The following SDK1 variants were observed in gnomAD, a reference collection of about 807,000 sequenced individuals.
The protein encoded by SDK1 is protein sidekick-1.
A neutral mutation model predicts 245.5 loss-of-function variants in SDK1; 157 were observed. That is an observed-to-expected ratio of 0.64 (90% CI 0.56 to 0.73). SDK1 has a LOEUF of 0.73. Among genes scored for constraint, SDK1 ranks in the 30% least tolerant of loss-of-function variants. The pLI, the probability that SDK1 is intolerant of heterozygous loss-of-function variation, is 0.00. For missense variants in SDK1, 3,583 were observed against 3,002.3 expected (o/e 1.19, Z -4.52); for synonymous variants, 1,647 against 1,278.5 (o/e 1.29, Z -6.15).
At chr7:3,834,250 G>T (rs578021579) in intron 5 of SDK1, among the ~76,000 whole-genome samples, 2 of 152,154 alleles carry the variant, frequency 1.3e-5, no homozygotes, top group Admixed American at 6.5e-5. Context: ...CTCAGAAAAC[G>T]CTGAGCGTCT....
chr7:4,151,241 C>T (rs374004851), intron 30 of SDK1, among the ~76,000 whole-genome samples: 2 of 152,166 alleles, frequency 1.3e-5, no homozygotes, highest in Non-Finnish European at 2.9e-5. Context: ...AGGAAGCCAG[C>T]GCCCCAGTGC....
At chr7:3,403,840 TATA>T (rs1778962729) in intron 1 of SDK1, among the ~76,000 whole-genome samples, 1 of 64,406 alleles carries the variant, frequency 1.6e-5, no homozygotes, top group South Asian at 5.8e-4. Context: ...TATATATATA[TATA>T]TATATATATA....
intron 5 of SDK1, among the ~76,000 whole-genome samples, chr7:3,903,880 C>G (rs1781876094): frequency 6.6e-6 from 1 of 152,048 alleles, no homozygotes; most frequent in Admixed American, 6.5e-5. Context: ...CCTGAGAGAG[C>G]TGGTTGTTAA....
At chr7:4,181,348 A>G (rs1584387993) in intron 35 of SDK1, among the ~76,000 whole-genome samples, 1 of 152,188 alleles carries the variant, frequency 6.6e-6, no homozygotes, top group South Asian at 2.1e-4. Flanking sequence ...TCCTCCAGGG[A>G]TGGACACTCG....
intron 1 of SDK1, among the ~76,000 whole-genome samples, chr7:3,342,510 C>T (rs1301535804): frequency 3.3e-5 from 5 of 152,034 alleles, no homozygotes; most frequent in African/African-American, 4.8e-5. Flanking sequence ...CTCGCTTGAA[C>T]CCAGGAGGTG....
intron 4 of SDK1, among the ~76,000 whole-genome samples, chr7:3,683,964 C>G (rs934540583): frequency 1.3e-5 from 2 of 152,292 alleles, no homozygotes; most frequent in East Asian, 1.9e-4. Flanking sequence ...AAAAGCACCC[C>G]CTTCATCACC....
intron 1 of SDK1, among the ~76,000 whole-genome samples, chr7:3,409,520 T>G (rs1445393223): frequency 6.6e-6 from 1 of 152,136 alleles, no homozygotes; most frequent in Non-Finnish European, 1.5e-5. Context: ...ATTACACCGT[T>G]TTTCCGCAAA....
chr7:3,641,250 C>G (rs116676391), intron 3 of SDK1, among the ~76,000 whole-genome samples: 316 of 152,236 alleles, frequency 2.1e-3, no homozygotes, highest in African/African-American at 7.2e-3. Context: ...ATATTTACAT[C>G]TGACCATAAT....
At chr7:3,517,271 TTTA>T (rs1473517657) in intron 1 of SDK1, among the ~76,000 whole-genome samples, 2 of 152,190 alleles carry the variant, frequency 1.3e-5, no homozygotes, top group Non-Finnish European at 2.9e-5. Flanking sequence ...TTATTCCCTA[TTTA>T]TTATTCATTT....
chr7:3,619,130 C>T lies in SDK1; in HGVS notation c.349C>T (p.Leu117=), dbSNP rs146442815. The T allele has an allele frequency of 9.9e-6, 16 of 1,613,258 alleles. No individual in the cohort carries two copies. In the African/African-American group the frequency reaches 2.0e-4, roughly 20 times the overall value. ...KTEPGLPQIH[L]EGNRLVLTCL... Reference sequence around the variant, plus strand: ...GGAGCCAGGCCTACCACAGATCCACCTGGAAGGGAACCGCCTTGTTCTCAC... The same window carrying T: ...GGAGCCAGGCCTACCACAGATCCACTTGGAAGGGAACCGCCTTGTTCTCAC... Residue 117 remains leucine (L), a synonymous_variant, in exon 2 of 45, where the codon CTG becomes TTG. Coordinates refer to ENST00000404826, the MANE Select transcript of SDK1 (RefSeq NM_152744.4).
intron 35 of SDK1, among the ~76,000 whole-genome samples, chr7:4,203,578 C>T (rs55854071): frequency 0.13 from 19,646 of 151,688 alleles, 1,529 homozygotes; most frequent in Non-Finnish European, 0.17. Context: ...ATCCTTACAC[C>T]GCAAATGCTA....
In SDK1 at chr7:3,639,931, G is replaced by C. The variant is rs567909237; in HGVS notation, c.565+821G>C. On this transcript the variant is annotated intron_variant, in intron 3 of 44. Coordinates refer to ENST00000404826, the MANE Select transcript of SDK1 (RefSeq NM_152744.4). ...GTGGCACAAACATAGCTCACTGCAA[G>C]CTTGAACTGGGCTCAAGTGATCCTC... 1.2e-4 allele frequency among the ~76,000 whole-genome samples: 18 copies of C among 152,174 alleles called. 3 individuals are homozygous for C. The highest frequency in any genetic ancestry group is 4.3e-4 in the African/African-American group (18 of 41,492).
At chr7:3,978,442 A>T (rs910966372) in intron 13 of SDK1, among the ~76,000 whole-genome samples, 2 of 152,232 alleles carry the variant, frequency 1.3e-5, no homozygotes, top group Non-Finnish European at 2.9e-5. Flanking sequence ...ATCTCTAAAT[A>T]TAGAAATCTC....
intron 19 of SDK1, among the ~76,000 whole-genome samples, chr7:4,059,445 A>C (rs779977146): frequency 2.6e-5 from 4 of 152,268 alleles, no homozygotes; most frequent in Non-Finnish European, 4.4e-5. Context: ...AGATATATAA[A>C]GCAAATATTA....
intron 1 of SDK1, among the ~76,000 whole-genome samples, chr7:3,511,273 A>T (rs1782571258): frequency 6.6e-6 from 1 of 152,172 alleles, no homozygotes; most frequent in Admixed American, 6.5e-5. Flanking sequence ...CTATAGTTAG[A>T]TTATTTTTGC....
At chr7:3,694,186 C>T (rs1784509737) in intron 4 of SDK1, among the ~76,000 whole-genome samples, 2 of 152,140 alleles carry the variant, frequency 1.3e-5, no homozygotes, top group African/African-American at 4.8e-5. Context: ...TCTCCAAACT[C>T]GTATAGGAAT....
At chr7:3,501,943 C>T (rs1438546790) in intron 1 of SDK1, among the ~76,000 whole-genome samples, 1 of 152,144 alleles carries the variant, frequency 6.6e-6, no homozygotes, top group East Asian at 1.9e-4. Flanking sequence ...TCCTCCTAGA[C>T]CAAAGGTGTT....
intron 13 of SDK1, among the ~76,000 whole-genome samples, chr7:3,984,310 T>G (rs905197785): frequency 6.6e-6 from 1 of 152,280 alleles, no homozygotes; most frequent in South Asian, 2.1e-4. Flanking sequence ...TGCAAAGCAC[T>G]GCAGCCTCAA....
At chr7:3,319,223 C>T (rs1435586853) in intron 1 of SDK1, among the ~76,000 whole-genome samples, 1 of 152,152 alleles carries the variant, frequency 6.6e-6, no homozygotes, top group Non-Finnish European at 1.5e-5. Context: ...TAACGTTCTG[C>T]TTCAGAGTAC....
Sources: gnomAD v4.1 joint callset for allele counts (sites outside exome capture counted in the v4.1 genomes callset) on GRCh38, gnomAD v4.1.1 for gene constraint, MANE v1.5 for transcripts, NCBI Gene and HGNC (gene_info 2026-07-23, HGNC 2026-07-21) for gene names.